The following LHB variants were observed in gnomAD, a reference collection of about 807,000 sequenced individuals.
LHB encodes the protein lutropin subunit beta.
In LHB, 11 loss-of-function variants were observed where a neutral mutation model predicts 10.6. The observed-to-expected ratio is 1.04, with a 90% CI of 0.66 to 1.72. The LOEUF (loss-of-function observed/expected upper bound fraction) is 1.72, where lower values mean the gene tolerates loss of function less well. Among genes scored for constraint, LHB ranks in the 40% most tolerant of loss-of-function variants. The probability of loss-of-function intolerance (pLI) is 0.00; values close to 1 mark genes in which losing one functional copy is unlikely to be tolerated. For synonymous variants in LHB, 86 were observed against 83.1 expected, an observed-to-expected ratio of 1.03 and a Z score of -0.19; for missense variants, 184 against 197.3, an observed-to-expected ratio of 0.93 and a Z score of 0.41.
chr19:49,017,508 C>A, upstream of LHB: 7 of 1,129,468 alleles, frequency 6.2e-6, no homozygotes, highest in Non-Finnish European at 7.6e-6. Context: ...ACAGGAGGGG[C>A]GCTGCTTCGG....
At chr19:49,018,038 A>G (rs550382267), upstream of LHB, 2 of 398,654 alleles carry the variant, frequency 5.0e-6, no homozygotes, top group Non-Finnish European at 8.8e-6. Context: ...CACGCTGTAG[A>G]TGCCCCGCAG....
upstream of LHB, chr19:49,018,743 G>T: frequency 1.2e-6 from 1 of 806,156 alleles, no homozygotes; most frequent in Non-Finnish European, 1.9e-6. Flanking sequence ...CTGAACTTTG[G>T]TTCTTGCTGC....
upstream of LHB, among the ~76,000 whole-genome samples, chr19:49,018,717 AG>A (rs1240672471): frequency 6.6e-6 from 1 of 150,700 alleles, no homozygotes; most frequent in Non-Finnish European, 1.5e-5. Flanking sequence ...TAAAAAAAAA[AG>A]GGAGGGGCTG....
intron 2 of LHB, 82 bp downstream of exon 2, chr19:49,016,465 G>A: frequency 6.2e-7 from 1 of 1,603,516 alleles, no homozygotes; most frequent in Non-Finnish European, 8.5e-7. Context: ...GGCCAGAGAG[G>A]CAGACCACCC....
At chr19:49,017,818 T>C (rs1421620288), upstream of LHB, 2 of 399,848 alleles carry the variant, frequency 5.0e-6, no homozygotes, top group Non-Finnish European at 8.8e-6. Context: ...TGAGTGGGTG[T>C]CTGGGCTAGT....
At chr19:49,018,976 G>C (rs1284326010), upstream of LHB, 18 of 1,533,550 alleles carry the variant, frequency 1.2e-5, no homozygotes, top group Non-Finnish European at 1.6e-5. Flanking sequence ...GACAGCTCGG[G>C]GTTCTTCGTC....
chr19:49,017,182 A>G, upstream of LHB: 2 of 1,577,454 alleles, frequency 1.3e-6, no homozygotes, highest in Non-Finnish European at 8.7e-7. Context: ...TAACCTGGAC[A>G]CTAATCCCCC....
Position 49,016,836 on chromosome 19 carries a change from G to T in LHB, c.16-122C>A, listed in dbSNP as rs145528322. ...ACCCTTCCCGGCATCTCCTATTCAG[G>T]ACCCACCACCCGGACACCTGCCTTT... On this transcript the variant is annotated intron_variant, in intron 1 of 2. Transcript: ENST00000649238. 0.015 allele frequency: 23,567 copies of T among 1,577,608 alleles called. 255 individuals are homozygous for T. The highest frequency in any genetic ancestry group is 0.018 in the Non-Finnish European group (21,144 of 1,165,480).
upstream of LHB, chr19:49,018,384 G>C: frequency 4.3e-6 from 5 of 1,154,574 alleles, no homozygotes; most frequent in Non-Finnish European, 5.4e-6. Flanking sequence ...CTGGATCCTT[G>C]GGGACGAGTT....
upstream of LHB, chr19:49,018,884 C>T: frequency 6.5e-7 from 1 of 1,534,250 alleles, no homozygotes; most frequent in Non-Finnish European, 8.7e-7. Flanking sequence ...TGGGATAGAA[C>T]CGAAAGTCCC....
rs138562573 is a variant in LHB, at chr19:49,016,214, G to A, written c.280C>T (p.Arg94Cys). The A allele has an allele frequency of 2.0e-5, 32 of 1,612,522 alleles. No individual in the cohort carries two copies. The African/African-American group carries it at 3.1e-4, about 15-fold the overall frequency. ...AAGGAGACCACGGGGTCCACACCAC[G>A]CGGGCAGCCAGGGAGCCGGATGGAC... ...FESIRLPGCP[R>C]GVDPVVSFPV... is the part of the protein sequence containing the mutation. The change falls in exon 3 of 3, where the codon CGT becomes TGT. Residue 94 changes from arginine to cysteine, a missense_variant. Arg to Cys is a radical substitution (Grantham distance 180, BLOSUM62 -3). Coordinates refer to ENST00000649238, the MANE Select transcript of LHB (RefSeq NM_000894.3).
upstream of LHB, chr19:49,019,316 G>A: frequency 8.4e-7 from 1 of 1,188,744 alleles, no homozygotes. Context: ...AACCGTCTTG[G>A]TGTGGCCACT....
At chr19:49,018,204 G>C (rs1377794353), upstream of LHB, 2 of 499,762 alleles carry the variant, frequency 4.0e-6, no homozygotes, top group Non-Finnish European at 3.1e-6. Flanking sequence ...CGCGGCACGC[G>C]GACCCGCGGT....
chr19:49,018,214 T>G (rs2039590615), upstream of LHB: 1 of 552,884 alleles, frequency 1.8e-6, no homozygotes, highest in South Asian at 9.2e-5. Context: ...GGACCCGCGG[T>G]GGTCGGGGCG....
upstream of LHB, chr19:49,018,985 T>A: frequency 3.3e-6 from 5 of 1,533,302 alleles, no homozygotes; most frequent in East Asian, 4.9e-5. Flanking sequence ...GGGTTCTTCG[T>A]CCAGGCAATT....
At chr19:49,017,693 GT>G (rs2039581296), upstream of LHB, 2 of 595,140 alleles carry the variant, frequency 3.4e-6, no homozygotes, top group South Asian at 1.7e-4. Context: ...AGTGGGTGTG[GT>G]TCAGGTGATT....
upstream of LHB, chr19:49,018,044 C>G (rs2039588583): frequency 5.0e-6 from 2 of 398,730 alleles, no homozygotes; most frequent in Non-Finnish European, 8.8e-6. Flanking sequence ...GTAGATGCCC[C>G]GCAGGGGCTT....
Position 49,016,001 on chromosome 19 carries a change from T to A in LHB, c.*67A>T. ...AGAGTGCGGATTGAGAAGCCTTTAT[T>A]GTGGGAGGATCGGGGTGTCAGGGCT... On this transcript the variant is annotated 3_prime_UTR_variant, in exon 3 of 3. Transcript: ENST00000649238. 1 of 1,614,136 alleles carries A rather than the reference T, an allele frequency of 6.2e-7. No homozygotes were observed. The highest frequency in any genetic ancestry group is 8.5e-7 in the Non-Finnish European group (1 of 1,180,028).
chr19:49,017,924 C>T (rs2039586182), upstream of LHB: 6 of 398,466 alleles, frequency 1.5e-5, no homozygotes, highest in Non-Finnish European at 2.7e-5. Flanking sequence ...CGCTCGGCAG[C>T]GCGGCCCTGG....
Sources: gnomAD v4.1 joint callset for allele counts (sites outside exome capture counted in the v4.1 genomes callset) on GRCh38, gnomAD v4.1.1 for gene constraint, MANE v1.5 for transcripts, NCBI Gene and HGNC (gene_info 2026-07-23, HGNC 2026-07-21) for gene names.